Variants in C19orf12 observed in about 807,000 individuals in gnomAD.
C19orf12 encodes chromosome 19 open reading frame 12, also known as protein C19orf12.
In C19orf12, 2 loss-of-function variants were observed where a neutral mutation model predicts 3.8. The ratio of observed to expected loss-of-function variants is 0.53; its 90% CI spans 0.22 to 1.66. The LOEUF (loss-of-function observed/expected upper bound fraction) is 1.66. Among genes scored for constraint, C19orf12 ranks in the 40% most tolerant of loss-of-function variants. The pLI is 0.20. For missense variants in C19orf12, 156 were observed against 188.8 expected (o/e 0.83, Z 1.02); for synonymous variants, 89 against 84.6 (o/e 1.05, Z -0.28).
rs376181770 is a variant in C19orf12, at chr19:29,706,730, G to A, written c.160+1524C>T. On this transcript the variant is annotated intron_variant, in intron 2 of 2. Transcript: ENST00000323670. The stretch of plus-strand genomic sequence containing the variant: ...AGGAAAATATGGAAAGGGAAGGTCT[G>A]GGGCCACCCACACATTTATTTTTCT... Among the ~76,000 whole-genome samples the A allele has an allele frequency of 1.8e-4, 27 of 152,332 alleles. 1 individual carries two copies. Among genetic ancestry groups the A allele is most frequent in the African/African-American group, 6.3e-4 (26 of 41,576 alleles).
chr19:29,702,072 A>G lies in C19orf12; in HGVS notation c.*640T>C. On this transcript the variant is annotated 3_prime_UTR_variant, in exon 3 of 3. Transcript: ENST00000323670. The stretch of plus-strand genomic sequence containing the variant: ...CAGGACTTTTCAGATGGGAAGAGCG[A>G]GGCCCTGGCAGGGCGAGTCTAGGTG... 2.2e-6 allele frequency: 1 copy of G among 449,628 alleles called. No individual in the cohort carries two copies. The highest frequency in any genetic ancestry group is 4.5e-6 in the Non-Finnish European group (1 of 223,622). 27.9% of individuals were successfully genotyped at this position (449,628 alleles called of 1,614,324 possible).
upstream of C19orf12, chr19:29,715,375 G>C (rs956739128): frequency 6.6e-5 from 26 of 395,098 alleles, no homozygotes; most frequent in Non-Finnish European, 1.1e-4. Flanking sequence ...GGGGGTCGCT[G>C]CTGGGCACCC....
chr19:29,711,114 A>T (rs1287532028), intron 1 of C19orf12, among the ~76,000 whole-genome samples: 1 of 131,932 alleles, frequency 7.6e-6, no homozygotes, highest in East Asian at 2.4e-4. Context: ...ATCTCGGCTC[A>T]CTGCAGCCTC....
chr19:29,705,402 C>CAAAA (rs34101444), intron 2 of C19orf12: 48 of 111,042 alleles, frequency 4.3e-4, no homozygotes, highest in South Asian at 7.1e-4. Flanking sequence ...ATCCTGAAAC[C>CAAAA]AAAAAAAAAA....
At chr19:29,712,552 A>T (rs1972738781) in intron 1 of C19orf12, among the ~76,000 whole-genome samples, 1 of 152,178 alleles carries the variant, frequency 6.6e-6, no homozygotes, top group Non-Finnish European at 1.5e-5. Context: ...GGAAGAAATA[A>T]GCAACATGGA....
intron 1 of C19orf12, among the ~76,000 whole-genome samples, chr19:29,714,083 G>A (rs1440598032): frequency 6.6e-6 from 1 of 151,468 alleles, no homozygotes; most frequent in East Asian, 1.9e-4. Context: ...CAGAAACGCA[G>A]TCTCCCTGTG....
In C19orf12 at chr19:29,701,235, T is replaced by C; in HGVS notation, c.*1477A>G. The C allele has an allele frequency of 2.2e-6, 1 of 454,130 alleles. No homozygotes were observed. The allele number at this position is 454,130 out of a possible 1,614,324, so 28.1% of individuals were successfully genotyped here. A position where few individuals can be genotyped will look rare whatever the true frequency, so the allele number is the denominator to read the frequency against. The stretch of plus-strand genomic sequence containing the variant: ...CTGAAAGCAAAGTGAAAACACACAG[T>C]ACAGCTATGCCTCAGTATCCATGGG... On this transcript the variant is annotated 3_prime_UTR_variant, in exon 3 of 3. Coordinates refer to ENST00000323670, the MANE Select transcript of C19orf12 (RefSeq NM_031448.6).
In C19orf12 at chr19:29,701,629, T is replaced by C. The variant is rs545513737; in HGVS notation, c.*1083A>G. ...AAACATTTCTTAGAGATGGTTTATA[T>C]CACACCACTTCAGAAAGAGCAATAC... On this transcript the variant is annotated 3_prime_UTR_variant, in exon 3 of 3. Transcript: ENST00000323670. 13 of 454,018 alleles carry C rather than the reference T, an allele frequency of 2.9e-5. No individual in the cohort carries two copies. The highest frequency in any genetic ancestry group is 4.9e-5 in the Non-Finnish European group (11 of 226,788). The allele number at this position is 454,018 out of a possible 1,614,324, so 28.1% of individuals were successfully genotyped here. A position where few individuals can be genotyped will look rare whatever the true frequency, so the allele number is the denominator to read the frequency against.
At chr19:29,704,264 T>TG (rs551284156) in intron 2 of C19orf12, among the ~76,000 whole-genome samples, 222 of 152,140 alleles carry the variant, frequency 1.5e-3, no homozygotes, top group Admixed American at 3.6e-3. Context: ...GGTCAGGAGT[T>TG]GGAGACTAGC....
At chr19:29,709,055 G>A (rs1472957759) in intron 1 of C19orf12, among the ~76,000 whole-genome samples, 7 of 152,280 alleles carry the variant, frequency 4.6e-5, no homozygotes, top group East Asian at 3.9e-4. Context: ...GGCTCTGAAC[G>A]AACACTGTTA....
intron 1 of C19orf12, among the ~76,000 whole-genome samples, chr19:29,711,768 T>A (rs1030658851): frequency 6.6e-6 from 1 of 152,146 alleles, no homozygotes; most frequent in Admixed American, 6.6e-5. Flanking sequence ...CTCTACTGGC[T>A]TCCCCCCCCA....
Position 29,701,921 on chromosome 19 carries a change from C to T in C19orf12, c.*791G>A, listed in dbSNP as rs111648332. The T allele has an allele frequency of 4.1e-3, 1,854 of 454,086 alleles. 29 individuals are homozygous for T. The highest frequency in any genetic ancestry group is 0.034 in the African/African-American group (1,723 of 50,108). 28.1% of individuals were successfully genotyped at this position (454,086 alleles called of 1,614,324 possible). A position where few individuals can be genotyped will look rare whatever the true frequency, so the allele number is the denominator to read the frequency against. On this transcript the variant is annotated 3_prime_UTR_variant, in exon 3 of 3. Coordinates refer to ENST00000323670, the MANE Select transcript of C19orf12 (RefSeq NM_031448.6). ...TGCACTGGGAAACTAAAACAATGCG[C>T]TTCCTTGCTTTATTGTGATGTTGGC...
At chr19:29,711,404 T>A (rs1002652380) in intron 1 of C19orf12, among the ~76,000 whole-genome samples, 1 of 152,192 alleles carries the variant, frequency 6.6e-6, no homozygotes, top group Admixed American at 6.5e-5. Flanking sequence ...CAGTAAAATC[T>A]TACAAAAAGC....
chr19:29,707,344 G>A (rs1972428301), intron 2 of C19orf12, among the ~76,000 whole-genome samples: 1 of 152,228 alleles, frequency 6.6e-6, no homozygotes, highest in East Asian at 1.9e-4. Context: ...GCGACAGAAT[G>A]AGACTCGGTC....
In C19orf12 at chr19:29,701,766, T is replaced by C; in HGVS notation, c.*946A>G. On this transcript the variant is annotated 3_prime_UTR_variant, in exon 3 of 3. Transcript: ENST00000323670. ...TATTTGGCACCATTTTCCAACAGCA[T>C]GTGCTCACTTTGCGTTTCTGTGTCA... The C allele has an allele frequency of 2.2e-6, 1 of 451,104 alleles. No individual in the cohort carries two copies. Among genetic ancestry groups the C allele is most frequent in the Non-Finnish European group, 4.5e-6 (1 of 224,510 alleles). 27.9% of individuals were successfully genotyped at this position (451,104 alleles called of 1,614,324 possible).
intron 1 of C19orf12, among the ~76,000 whole-genome samples, chr19:29,711,392 T>C (rs2145649633): frequency 6.6e-6 from 1 of 152,322 alleles, no homozygotes; most frequent in South Asian, 2.1e-4. Flanking sequence ...GAAATAATTT[T>C]ACAGTAAAAT....
intron 1 of C19orf12, among the ~76,000 whole-genome samples, chr19:29,711,276 G>A (rs966616904): frequency 6.6e-6 from 1 of 152,166 alleles, no homozygotes; most frequent in Non-Finnish European, 1.5e-5. Context: ...CTGGCCTCAG[G>A]TGATCTGCCT....
chr19:29,700,047 A>T lies in C19orf12; in HGVS notation c.*2665T>A, dbSNP rs1331070188. 2.2e-6 allele frequency: 1 copy of T among 453,982 alleles called. No individual in the cohort carries two copies. The highest frequency in any genetic ancestry group is 4.4e-6 in the Non-Finnish European group (1 of 226,762). 28.1% of individuals were successfully genotyped at this position (453,982 alleles called of 1,614,324 possible). On this transcript the variant is annotated 3_prime_UTR_variant, in exon 3 of 3. Transcript: ENST00000323670. ...GTCTTCACTCAGCAAGGCCTGCTCC[A>T]TCGGACACAAAACTGATCAGGAGTT... is the stretch of plus-strand genomic sequence containing the variant.
Position 29,701,231 on chromosome 19 carries a change from A to T in C19orf12, c.*1481T>A, listed in dbSNP as rs1166294511. 6.6e-6 allele frequency: 3 copies of T among 454,012 alleles called. No homozygotes were observed. The highest frequency in any genetic ancestry group is 1.3e-5 in the Non-Finnish European group (3 of 226,794). The allele number at this position is 454,012 out of a possible 1,614,324, so 28.1% of individuals were successfully genotyped here. On this transcript the variant is annotated 3_prime_UTR_variant, in exon 3 of 3. Coordinates refer to ENST00000323670, the MANE Select transcript of C19orf12 (RefSeq NM_031448.6). ...AGTTCTGAAAGCAAAGTGAAAACAC[A>T]CAGTACAGCTATGCCTCAGTATCCA...
Sources: gnomAD v4.1 joint callset for allele counts (sites outside exome capture counted in the v4.1 genomes callset) on GRCh38, gnomAD v4.1.1 for gene constraint, MANE v1.5 for transcripts, NCBI Gene and HGNC (gene_info 2026-07-23, HGNC 2026-07-21) for gene names.